BCAR1: variants seen among roughly 807,000 people sequenced by gnomAD.
BCAR1 encodes the protein BCAR1 scaffold protein, Cas family member.
In BCAR1, 30 loss-of-function variants were observed where a neutral mutation model predicts 67.6. The observed-to-expected ratio is 0.44, with a 90% CI of 0.33 to 0.60. BCAR1 has a LOEUF of 0.60. BCAR1 is among the 20% of genes least tolerant of loss of function. BCAR1 has a pLI of 0.02. For synonymous variants in BCAR1, 626 were observed against 556.7 expected (o/e 1.12, Z -1.75); for missense variants, 1,313 against 1,222.3 (o/e 1.07, Z -1.11).
At chr16:75,239,017 C>G (rs2077241569) in intron 2 of BCAR1, 4 of 985,314 alleles carry the variant, frequency 4.1e-6, no homozygotes, top group African/African-American at 1.7e-5. Flanking sequence ...AGGGGTGCAG[C>G]TGGACCCAGG....
intron 1 of BCAR1, among the ~76,000 whole-genome samples, chr16:75,260,640 A>C (rs1443946743): frequency 1.3e-5 from 2 of 152,138 alleles, no homozygotes; most frequent in Non-Finnish European, 2.9e-5. Context: ...TCTCAAAAAA[A>C]AAAAAAAAAA....
chr16:75,265,787 G>T (rs2077997388), intron 1 of BCAR1: 1 of 1,196,834 alleles, frequency 8.4e-7, no homozygotes, highest in East Asian at 3.5e-5. Context: ...CCGGGCGGGG[G>T]ACAGCCGGCC....
chr16:75,262,216 A>T (rs2077919602), intron 1 of BCAR1, among the ~76,000 whole-genome samples: 1 of 152,118 alleles, frequency 6.6e-6, no homozygotes, highest in Admixed American at 6.6e-5. Flanking sequence ...CTGCACGGGG[A>T]TACAGCCACT....
chr16:75,234,624 A>C (rs969216444), intron 5 of BCAR1, among the ~76,000 whole-genome samples: 1 of 152,212 alleles, frequency 6.6e-6, no homozygotes, highest in Middle Eastern at 3.2e-3. Context: ...GTGTGTGTGC[A>C]CATTTCTGCA....
In BCAR1 at chr16:75,229,472, C is replaced by T; in HGVS notation, c.*39G>A. 1 of 1,484,056 alleles carries T rather than the reference C, an allele frequency of 6.7e-7. No homozygotes were observed. Among genetic ancestry groups the T allele is most frequent in the Non-Finnish European group, 9.0e-7 (1 of 1,116,462 alleles). The allele number at this position is 1,484,056 out of a possible 1,614,324, so 91.9% of individuals were successfully genotyped here. On this transcript the variant is annotated 3_prime_UTR_variant, in exon 7 of 7. Coordinates refer to ENST00000162330, the MANE Select transcript of BCAR1 (RefSeq NM_014567.5). The stretch of plus-strand genomic sequence containing the variant: ...CATGGGAGCCAGGGAGCTGGGACCG[C>T]CGCACCCCTCCCCTGCCTCCCTCCT...
rs1442875929 is a variant in BCAR1 at position 75,242,582 on chromosome 16, G to A, written c.521C>T (p.Pro174Leu). ...LYQVPPGPGGPAQDIYQVPPS... is the reference protein window; with the variant it reads ...LYQVPPGPGGLAQDIYQVPPS... ...TGGCACCTGGTAAATATCCTGGGCA[G>A]GGCCTCCAGGCCCTGGGGGCACCTG... is the stretch of plus-strand genomic sequence containing the variant. Residue 174 changes from proline to leucine, a missense_variant, in exon 2 of 7, where the codon CCT becomes CTT. Pro to Leu is a moderately conservative substitution (Grantham distance 98). Coordinates refer to ENST00000162330, the MANE Select transcript of BCAR1 (RefSeq NM_014567.5). 1.1e-5 allele frequency: 17 copies of A among 1,494,838 alleles called. No individual in the cohort carries two copies. The highest frequency in any genetic ancestry group is 1.5e-5 in the Non-Finnish European group (17 of 1,122,700). The allele number at this position is 1,494,838 out of a possible 1,614,324, so 92.6% of individuals were successfully genotyped here. A position where few individuals can be genotyped will look rare whatever the true frequency, so the allele number is the denominator to read the frequency against.
chr16:75,237,241 T>C lies in BCAR1; in HGVS notation c.737A>G (p.Gln246Arg). The change falls in exon 3 of 7, where the codon CAG becomes CGG. Residue 246 changes from glutamine to arginine, a missense_variant. Gln to Arg is a conservative substitution (Grantham distance 43, BLOSUM62 1). Transcript: ENST00000162330. ...IPRHLLAPGP[Q>R]DIYDVPPVRG... Reference sequence around the variant, plus strand: ...AACCGGGGGCACATCATAGATGTCCTGTGGCCCCGGGGCCAGCAGGTGTCG... The same window carrying C: ...AACCGGGGGCACATCATAGATGTCCCGTGGCCCCGGGGCCAGCAGGTGTCG... 1 of 1,543,958 alleles carries C rather than the reference T, an allele frequency of 6.5e-7. No individual in the cohort carries two copies. The highest frequency in any genetic ancestry group is 8.7e-7 in the Non-Finnish European group (1 of 1,149,600).
intron 2 of BCAR1, among the ~76,000 whole-genome samples, chr16:75,240,782 G>A (rs1445301540): frequency 2.0e-5 from 3 of 152,246 alleles, no homozygotes; most frequent in Non-Finnish European, 4.4e-5. Flanking sequence ...GCCAGGTCAG[G>A]GCCCTTGGGG....
chr16:75,252,204 C>G (rs374990647), upstream of BCAR1: 2 of 1,536,520 alleles, frequency 1.3e-6, no homozygotes, highest in South Asian at 1.2e-5. Context: ...GGCGAGCTCT[C>G]GACCCAGCGC....
At chr16:75,253,726 T>G (rs534255655), upstream of BCAR1, among the ~76,000 whole-genome samples, 1 of 152,272 alleles carries the variant, frequency 6.6e-6, no homozygotes, top group South Asian at 2.1e-4. Context: ...CCCACAGTGT[T>G]GATGGGGATG....
chr16:75,232,828 G>A (rs2076947442), intron 6 of BCAR1, among the ~76,000 whole-genome samples: 1 of 152,194 alleles, frequency 6.6e-6, no homozygotes, highest in South Asian at 2.1e-4. Context: ...CCTCACTGCT[G>A]TGTGTCGTGG....
chr16:75,237,566 G>C (rs2077185354), intron 2 of BCAR1: 1 of 535,650 alleles, frequency 1.9e-6, no homozygotes, highest in African/African-American at 2.0e-5. Context: ...TTTATTCAGA[G>C]CTGCCTCGTC....
chr16:75,250,973 G>T, intron 1 of BCAR1: 1 of 985,610 alleles, frequency 1.0e-6, no homozygotes, highest in South Asian at 4.7e-5. Flanking sequence ...CTCCGGCTGC[G>T]CAGCCTTCCC....
chr16:75,249,098 A>G (rs1247313556), intron 1 of BCAR1: 1 of 152,584 alleles, frequency 6.6e-6, no homozygotes, highest in African/African-American at 2.4e-5. Flanking sequence ...CACCCCACAG[A>G]CAGTGCGGAC....
At chr16:75,264,473 C>G (rs966787320) in intron 1 of BCAR1, 1 of 1,479,744 alleles carries the variant, frequency 6.8e-7, no homozygotes, top group Non-Finnish European at 9.0e-7. Context: ...GAGAGCAGAA[C>G]AGAAGAGAGG....
intron 1 of BCAR1, chr16:75,263,529 G>A: frequency 2.0e-6 from 2 of 985,404 alleles, no homozygotes; most frequent in Non-Finnish European, 2.4e-6. Flanking sequence ...CTGGGTCCGG[G>A]ACTGCATGTG....
intron 1 of BCAR1, chr16:75,248,043 G>T: frequency 6.8e-7 from 1 of 1,476,698 alleles, no homozygotes; most frequent in Non-Finnish European, 9.4e-7. Context: ...AACCCCATAA[G>T]ACACGATTAC....
At chr16:75,237,637 T>C (rs1200922078) in intron 2 of BCAR1, among the ~76,000 whole-genome samples, 1 of 152,088 alleles carries the variant, frequency 6.6e-6, no homozygotes, top group Non-Finnish European at 1.5e-5. Context: ...CAGAGGAGCA[T>C]GGGTATGAGC....
rs754512435 is a variant in BCAR1, at chr16:75,242,818, C to G, written c.285G>C (p.Pro95=). 1 of 1,604,396 alleles carries G rather than the reference C, an allele frequency of 6.2e-7. No individual in the cohort carries two copies. The highest frequency in any genetic ancestry group is 1.7e-5 in the Admixed American group (1 of 59,476). Residue 95 remains proline, a synonymous_variant, in exon 2 of 7, where the codon CCG becomes CCC. Transcript: ENST00000162330. ...PQPGLHAPAP[P]ASQYTPMLPN... ...GGAGCATGGGCGTGTACTGGGAGGC[C>G]GGAGGCGCTGGGGCATGGAGGCCAG...
Sources: allele counts gnomAD v4.1 joint callset (sites outside exome capture counted in the v4.1 genomes callset), GRCh38; gene constraint gnomAD v4.1.1; transcripts MANE v1.5; gene names NCBI Gene and HGNC (gene_info 2026-07-23, HGNC 2026-07-21).